Variants in STAT3 observed in about 807,000 individuals in gnomAD.
STAT3 encodes DNA-binding protein APRF.
Under a neutral mutation model 114.3 loss-of-function variants are expected in STAT3, and 7 were observed. That is an observed-to-expected ratio of 0.06 (90% CI 0.03 to 0.11). The LOEUF is 0.11. Ranked by LOEUF, STAT3 falls within the 10% of genes least tolerant of loss-of-function variation. STAT3 has a pLI of 1.00. For synonymous variants in STAT3, 331 were observed against 354.5 expected, an observed-to-expected ratio of 0.93 and a Z score of 0.74; for missense variants, 364 against 960.9, an observed-to-expected ratio of 0.38 and a Z score of 8.21.
chr17:42,375,687 G>C (rs1313970681), intron 1 of STAT3, among the ~76,000 whole-genome samples: 1 of 151,856 alleles, frequency 6.6e-6, no homozygotes, highest in Admixed American at 6.6e-5. Flanking sequence ...AAACTAGACG[G>C]GTGTGGTGGC....
chr17:42,383,408 G>A (rs567411213), intron 1 of STAT3, among the ~76,000 whole-genome samples: 1 of 149,432 alleles, frequency 6.7e-6, no homozygotes, highest in Admixed American at 6.7e-5. Context: ...TCACTATGTT[G>A]CCCAGGCTGG....
chr17:42,321,106 TTCTC>T (rs941853085), intron 21 of STAT3, among the ~76,000 whole-genome samples: 12 of 148,180 alleles, frequency 8.1e-5, no homozygotes, highest in Non-Finnish European at 1.0e-4. Context: ...TATTTTTAAT[TTCTC>T]TCTCTTTTTT....
intron 14 of STAT3, 149 bp from the exon 15 acceptor site, chr17:42,326,348 A>C: frequency 1.4e-6 from 1 of 691,858 alleles, no homozygotes; most frequent in Non-Finnish European, 2.6e-6. Flanking sequence ...TCTCTGCAAA[A>C]AATACAAAAA....
At chr17:42,340,232 T>C (rs2082384778) in intron 4 of STAT3, among the ~76,000 whole-genome samples, 1 of 151,442 alleles carries the variant, frequency 6.6e-6, no homozygotes, top group African/African-American at 2.4e-5. Flanking sequence ...GGTGCATGCC[T>C]GTAATCCCAG....
At chr17:42,388,252 A>G (rs2145437183) in intron 1 of STAT3, 27 bp downstream of exon 1, 2 of 1,231,560 alleles carry the variant, frequency 1.6e-6, no homozygotes, top group Non-Finnish European at 2.0e-6. Context: ...AGGCCTCCCC[A>G]ACGGCCCCAC....
chr17:42,383,827 C>A (rs4796646), intron 1 of STAT3, among the ~76,000 whole-genome samples: 3 of 152,134 alleles, frequency 2.0e-5, no homozygotes, highest in East Asian at 1.9e-4. Context: ...TTTTAAGTGC[C>A]AAAGACATAA....
At chr17:42,348,027 T>A (rs763607477) in intron 2 of STAT3, among the ~76,000 whole-genome samples, 8 of 152,196 alleles carry the variant, frequency 5.3e-5, no homozygotes, top group Non-Finnish European at 8.8e-5. Context: ...ATTACAAGTA[T>A]CAACCCAAAG....
Position 42,348,539 on chromosome 17 carries a change from A to C in STAT3, c.-23T>G, listed in dbSNP as rs768635673. 2 of 1,612,714 alleles carry C rather than the reference A, an allele frequency of 1.2e-6. No individual in the cohort carries two copies. The highest frequency in any genetic ancestry group is 2.7e-5 in the African/African-American group (2 of 74,866). ...CATCCTGCTAAAATCAGGGGTCCCA[A>C]CTGTAAACCAAAGTGTGCATATGTT... On this transcript the variant is annotated splice_region_variant and 5_prime_UTR_variant, in exon 2 of 24. Coordinates refer to ENST00000264657, the MANE Select transcript of STAT3 (RefSeq NM_139276.3).
At chr17:42,339,524 G>A in intron 4 of STAT3, 115 bp from the exon 5 acceptor site, 1 of 976,484 alleles carries the variant, frequency 1.0e-6, no homozygotes, top group East Asian at 2.6e-5. Flanking sequence ...AGACGCTGCT[G>A]CCATCACAAG....
chr17:42,351,908 A>C (rs1278906935), intron 1 of STAT3, among the ~76,000 whole-genome samples: 1 of 150,960 alleles, frequency 6.6e-6, no homozygotes, highest in Non-Finnish European at 1.5e-5. Flanking sequence ...ATAGGCACGC[A>C]CCACCATGCC....
In STAT3 at chr17:42,317,222, C is replaced by A; in HGVS notation, c.2104G>T (p.Ala702Ser). The A allele has an allele frequency of 6.2e-7, 1 of 1,613,760 alleles. No homozygotes were observed. The highest frequency in any genetic ancestry group is 8.5e-7 in the Non-Finnish European group (1 of 1,179,874). The change falls in exon 22 of 24, where the codon GCT becomes TCT. Residue 702 changes from alanine to serine, a missense_variant and splice_region_variant. Ala to Ser is a moderately conservative substitution (Grantham distance 99). Transcript: ENST00000264657. ...AACTTGGTCTTCAGGTATGGGGCAG[C>A]GCCTGGGAAGAAGAAAACCAGTTTT... is the stretch of plus-strand genomic sequence containing the variant. ...QEHPEADPGS[A>S]APYLKTKFIC...
intron 1 of STAT3, 57 bp from the exon 2 acceptor site, chr17:42,348,596 A>C (rs778044778): frequency 1.9e-6 from 3 of 1,601,760 alleles, no homozygotes; most frequent in Non-Finnish European, 2.6e-6. Flanking sequence ...TAAACAATCT[A>C]GAAGTAGCCA....
At chr17:42,346,279 G>A (rs1156466176) in intron 3 of STAT3, among the ~76,000 whole-genome samples, 1 of 152,186 alleles carries the variant, frequency 6.6e-6, no homozygotes, top group Non-Finnish European at 1.5e-5. Flanking sequence ...ACATGTAACA[G>A]TGAGAGTCAT....
intron 1 of STAT3, among the ~76,000 whole-genome samples, chr17:42,358,341 G>A (rs559404916): frequency 5.3e-5 from 8 of 152,128 alleles, no homozygotes; most frequent in Non-Finnish European, 1.2e-4. Context: ...TGAGCAGATT[G>A]AGACTGCAGT....
In STAT3 at chr17:42,333,528, G is replaced by C; in HGVS notation, c.1049+145C>G. On this transcript the variant is annotated intron_variant, in intron 10 of 23. Transcript: ENST00000264657. The surrounding 1 kb of genome is among the most constrained non-coding windows in gnomAD (Gnocchi z 5.2). ...ATCAGAATCAGAGAGCAAGCAGATAGTATGGCAACAAATTTCAACCCCGCA... is the reference window on the plus strand; with the variant it reads ...ATCAGAATCAGAGAGCAAGCAGATACTATGGCAACAAATTTCAACCCCGCA... 1.1e-6 allele frequency: 1 copy of C among 891,632 alleles called. No homozygotes were observed. Among genetic ancestry groups the C allele is most frequent in the South Asian group, 1.4e-5 (1 of 70,950 alleles). The allele number at this position is 891,632 out of a possible 1,614,324, so 55.2% of individuals were successfully genotyped here.
At position 42,337,580 on chromosome 17, in the gene STAT3, C is replaced by T. The variant is rs1325088493; in HGVS notation, c.652G>A (p.Val218Met). 1 of 1,614,196 alleles carries T rather than the reference C, an allele frequency of 6.2e-7. No homozygotes were observed. Among genetic ancestry groups the T allele is most frequent in the South Asian group, 1.1e-5 (1 of 91,086 alleles). The change falls in exon 8 of 24, where the codon GTG (valine) becomes ATG (methionine). Residue 218 changes from valine to methionine, a missense_variant. By Grantham distance (21) the Val-to-Met change is conservative. Around this residue, in one of 5 missense-constraint regions of STAT3, gnomAD observed 294 missense variants for 745.1 expected, o/e 0.39. Coordinates refer to ENST00000264657, the MANE Select transcript of STAT3 (RefSeq NM_139276.3). The surrounding 1 kb of genome is among the most constrained non-coding windows in gnomAD (Gnocchi z 4.0). ...GACAAAAGCCCCGCCAGCTCACTCA[C>T]GATGCTCTGGTTGGAAACCAAAACA... ...TALDQMRRSI[V>M]SELAGLLSAM...
intron 14 of STAT3, among the ~76,000 whole-genome samples, chr17:42,328,596 C>T (rs774285865): frequency 3.9e-5 from 6 of 152,082 alleles, no homozygotes; most frequent in East Asian, 1.9e-4. Flanking sequence ...TTAGTAGAGA[C>T]GGGCTTTCAC....
chr17:42,341,550 T>C (rs2082444174), intron 4 of STAT3, among the ~76,000 whole-genome samples: 1 of 152,234 alleles, frequency 6.6e-6, no homozygotes, highest in African/African-American at 2.4e-5. Context: ...TGTGTACTTA[T>C]AATCCCAACT....
chr17:42,332,537 C>CAAAAAA (rs759010924), intron 10 of STAT3, among the ~76,000 whole-genome samples: 1 of 40,786 alleles, frequency 2.5e-5, no homozygotes, highest in Non-Finnish European at 6.0e-5. Context: ...GACTCCATCT[C>CAAAAAA]AAAAAAAAAA....
Sources: gnomAD v4.1 joint callset for allele counts (sites outside exome capture counted in the v4.1 genomes callset) on GRCh38, gnomAD v4.1.1 for gene constraint, gnomAD v4.1.1 regional missense constraint, Gnocchi (gnomAD v3.1) non-coding constraint, MANE v1.5 for transcripts, NCBI Gene and HGNC (gene_info 2026-07-23, HGNC 2026-07-21) for gene names.